The following HTRA1 variants were observed in gnomAD, a reference collection of about 807,000 sequenced individuals.
HTRA1 encodes HtrA serine peptidase 1, also known as serine protease HTRA1.
In HTRA1, 26 loss-of-function variants were observed where a neutral mutation model predicts 49.7. The ratio of observed to expected loss-of-function variants is 0.52; its 90% confidence interval spans 0.38 to 0.73. The LOEUF (loss-of-function observed/expected upper bound fraction) is 0.73, where lower values mean the gene tolerates loss of function less well. Among genes scored for constraint, HTRA1 ranks in the 30% least tolerant of loss-of-function variants. The pLI is 0.00. For missense variants in HTRA1, 561 were observed against 667.2 expected (o/e 0.84, Z 1.75); for synonymous variants, 291 against 286.9 (o/e 1.01, Z -0.14).
intron 1 of HTRA1, 124 bp downstream of exon 1, chr10:122,462,248 G>A: frequency 4.7e-6 from 4 of 846,400 alleles, no homozygotes; most frequent in Non-Finnish European, 7.4e-6. Context: ...GCAACTCTCG[G>A]GGACAGGCAG....
intron 1 of HTRA1, among the ~76,000 whole-genome samples, chr10:122,463,093 C>T (rs1485102603): frequency 6.6e-6 from 1 of 152,278 alleles, no homozygotes; most frequent in Non-Finnish European, 1.5e-5. Flanking sequence ...CGCTTGGGCG[C>T]AGCCGTGCCG....
intron 3 of HTRA1, among the ~76,000 whole-genome samples, chr10:122,491,121 C>G (rs941942274): frequency 3.9e-5 from 6 of 152,234 alleles, no homozygotes; most frequent in African/African-American, 1.2e-4. Context: ...TTGGGCCAGC[C>G]TCTGCCTTCA....
Position 122,496,225 on chromosome 10 carries a change from GTTCTT to G in HTRA1, c.777+6602_777+6606del, listed in dbSNP as rs1399623425. Among the ~76,000 whole-genome samples the G allele has an allele frequency of 2.0e-3, 163 of 80,384 alleles. 32 individuals are homozygous for G. The highest frequency in any genetic ancestry group is 2.6e-3 in the South Asian group (6 of 2,282). 52.7% of individuals were successfully genotyped at this position (80,384 alleles called of 152,430 possible). A position where few individuals can be genotyped will look rare whatever the true frequency, so the allele number is the denominator to read the frequency against. On this transcript the variant is annotated intron_variant, in intron 3 of 8. Transcript: ENST00000368984. ...CCCTTTCGTTTGCCAGAGATTGTGGGTTCTTTTTTTTTTTTTTTTTTTTTTTTTTT... is the reference window on the plus strand; with the variant it reads ...CCCTTTCGTTTGCCAGAGATTGTGGGTTTTTTTTTTTTTTTTTTTTTTTTT...
intron 3 of HTRA1, among the ~76,000 whole-genome samples, chr10:122,497,403 A>G (rs2097499184): frequency 6.6e-6 from 1 of 152,240 alleles, no homozygotes; most frequent in Non-Finnish European, 1.5e-5. Flanking sequence ...AGAATGCTAC[A>G]TCCTGGGCAA....
chr10:122,471,982 ACTGATGTCTCCCT>A (rs2097486309), intron 1 of HTRA1, among the ~76,000 whole-genome samples: 1 of 152,176 alleles, frequency 6.6e-6, no homozygotes, highest in African/African-American at 2.4e-5. Flanking sequence ...TCATCCGATG[ACTGATGTCTCCCT>A]TCAAGAGTTA....
Position 122,461,821 on chromosome 10 carries a change from C to G in HTRA1, c.169C>G (p.Arg57Gly). ...GCAGCCGGAGCACTGCGAGGGCGGCCGGGCCCGGGACGCGTGCGGCTGCTG... is the reference window on the plus strand; with the variant it reads ...GCAGCCGGAGCACTGCGAGGGCGGCGGGGCCCGGGACGCGTGCGGCTGCTG... ...PPQPEHCEGGRARDACGCCEV... is the reference protein window; with the variant it reads ...PPQPEHCEGGGARDACGCCEV... Residue 57 changes from arginine (R) to glycine (G), a missense_variant, in exon 1 of 9, where the codon CGG (arginine) becomes GGG (glycine). Arg to Gly is a moderately radical substitution (Grantham distance 125, BLOSUM62 -2). Coordinates refer to ENST00000368984, the MANE Select transcript of HTRA1 (RefSeq NM_002775.5). The G allele has an allele frequency of 1.8e-6, 2 of 1,089,288 alleles. No homozygotes were observed. Among genetic ancestry groups the G allele is most frequent in the African/African-American group, 1.7e-5 (1 of 59,478 alleles). The allele number at this position is 1,089,288 out of a possible 1,614,324, so 67.5% of individuals were successfully genotyped here. A position where few individuals can be genotyped will look rare whatever the true frequency, so the allele number is the denominator to read the frequency against.
chr10:122,498,527 G>A (rs191811412), intron 3 of HTRA1, among the ~76,000 whole-genome samples: 42 of 152,146 alleles, frequency 2.8e-4, no homozygotes, highest in Non-Finnish European at 5.6e-4. Flanking sequence ...AGCCTTGTCC[G>A]TTCTGAACCC....
chr10:122,481,298 A>G (rs2097490877), intron 1 of HTRA1, among the ~76,000 whole-genome samples: 1 of 152,118 alleles, frequency 6.6e-6, no homozygotes, highest in African/African-American at 2.4e-5. Flanking sequence ...CAAAGCCACA[A>G]ATATATCTCA....
At chr10:122,467,093 C>T (rs150472259) in intron 1 of HTRA1, among the ~76,000 whole-genome samples, 8 of 152,202 alleles carry the variant, frequency 5.3e-5, no homozygotes, top group Non-Finnish European at 8.8e-5. Context: ...TGATGGCCTC[C>T]GCTTTGGGGC....
rs142794490 is a variant in HTRA1, at chr10:122,477,246, T to C, written c.473-11656T>C. Among the ~76,000 whole-genome samples the C allele has an allele frequency of 1.7e-3, 263 of 152,202 alleles. 1 individual carries two copies. Among genetic ancestry groups the C allele is most frequent in the African/African-American group, 6.1e-3 (255 of 41,526 alleles). On this transcript the variant is annotated intron_variant, in intron 1 of 8. Transcript: ENST00000368984. Reference sequence around the variant, plus strand: ...CCTCCCAAAGCGCTGGGATTACAGGTGTGAGCCACCATGCCCGGCCTGTAG... The same window carrying C: ...CCTCCCAAAGCGCTGGGATTACAGGCGTGAGCCACCATGCCCGGCCTGTAG...
At position 122,488,948 on chromosome 10, in the gene HTRA1, G is replaced by A. The variant is rs775753671; in HGVS notation, c.519G>A (p.Ala173=). The A allele has an allele frequency of 1.1e-5, 18 of 1,614,068 alleles. No homozygotes were observed. The Admixed American group carries it at 1.3e-4, about 12-fold the overall frequency. The change falls in exon 2 of 9, where the codon GCG becomes GCA. Residue 173 remains alanine, a synonymous_variant. Coordinates refer to ENST00000368984, the MANE Select transcript of HTRA1 (RefSeq NM_002775.5). ...NSLRHKYNFI[A]DVVEKIAPAV... ...TGCGCCATAAATATAACTTTATCGC[G>A]GACGTGGTGGAGAAGATCGCCCCTG...
At chr10:122,468,946 T>C (rs904401345) in intron 1 of HTRA1, among the ~76,000 whole-genome samples, 2 of 152,200 alleles carry the variant, frequency 1.3e-5, no homozygotes, top group Admixed American at 1.3e-4. Flanking sequence ...TTATTTTAGA[T>C]TCCAGGACAA....
rs2097481730 is a variant in HTRA1 at position 122,462,136 on chromosome 10, C to T, written c.472+12C>T. 3.3e-6 allele frequency: 5 copies of T among 1,525,718 alleles called. No homozygotes were observed. The highest frequency in any genetic ancestry group is 3.5e-6 in the Non-Finnish European group (4 of 1,139,140). 94.5% of individuals were successfully genotyped at this position (1,525,718 alleles called of 1,614,324 possible). A position where few individuals can be genotyped will look rare whatever the true frequency, so the allele number is the denominator to read the frequency against. The stretch of plus-strand genomic sequence containing the variant: ...AGCCTGCGGCCAAGGTACTCCGCCG[C>T]GCTCCTGGGCAGCTCCCCACTCTCT... On this transcript the variant is annotated intron_variant, in intron 1 of 8. Coordinates refer to ENST00000368984, the MANE Select transcript of HTRA1 (RefSeq NM_002775.5).
chr10:122,506,925 GT>G lies in HTRA1; in HGVS notation c.972+44del. The G allele has an allele frequency of 6.3e-7, 1 of 1,576,370 alleles. No individual in the cohort carries two copies. Reference sequence around the variant, plus strand: ...CTCTGCGGGTGGGGATTGGGGCAGAGTTTTGCCAGGGGGAGAGGAGTCAGCA... The same window carrying G: ...CTCTGCGGGTGGGGATTGGGGCAGAGTTTGCCAGGGGGAGAGGAGTCAGCA... On this transcript the variant is annotated intron_variant, in intron 4 of 8. Coordinates refer to ENST00000368984, the MANE Select transcript of HTRA1 (RefSeq NM_002775.5). This position sits in a 1 kb window ranked among gnomAD's most constrained non-coding sequence, Gnocchi z 5.2.
At chr10:122,508,264 CT>C (rs1365539594) in intron 5 of HTRA1, among the ~76,000 whole-genome samples, 2 of 152,350 alleles carry the variant, frequency 1.3e-5, no homozygotes, top group African/African-American at 4.8e-5. Context: ...TTGTTTCCCC[CT>C]GAAGTCAGCA....
At chr10:122,503,980 TG>T (rs1477104711) in intron 3 of HTRA1, among the ~76,000 whole-genome samples, 1 of 152,228 alleles carries the variant, frequency 6.6e-6, no homozygotes, top group African/African-American at 2.4e-5. Context: ...CTGGGCAGAC[TG>T]CCTGGGTTTG....
chr10:122,499,214 C>T (rs1282656487), intron 3 of HTRA1, among the ~76,000 whole-genome samples: 1 of 152,130 alleles, frequency 6.6e-6, no homozygotes. Flanking sequence ...CTTGGCTCGA[C>T]TTCCCCACCC....
rs17624021 is a variant in HTRA1 at position 122,489,602 on chromosome 10, C to T, written c.753C>T (p.Ile251=). ...AGGATGTGGATGAGAAAGCAGACAT[C>T]GCACTCATCAAAATTGACCACCAGG... ...KIKDVDEKAD[I]ALIKIDHQGK... The change falls in exon 3 of 9, where the codon ATC becomes ATT. Residue 251 remains isoleucine, a synonymous_variant. Coordinates refer to ENST00000368984, the MANE Select transcript of HTRA1 (RefSeq NM_002775.5). The T allele has an allele frequency of 0.05, 80,222 of 1,613,730 alleles. 2,256 individuals carry two copies. Among genetic ancestry groups the T allele is most frequent in the Non-Finnish European group, 0.055 (64,740 of 1,179,864 alleles).
In HTRA1 at chr10:122,461,753, C is replaced by T. The variant is rs1393072117; in HGVS notation, c.101C>T (p.Ala34Val). ...LSRAGRSAPL[A>V]AGCPDRCEPA... Reference sequence around the variant, plus strand: ...CGGGCCGGCCGCTCGGCGCCTTTGGCCGCCGGGTGCCCAGACCGCTGCGAG... The same window carrying T: ...CGGGCCGGCCGCTCGGCGCCTTTGGTCGCCGGGTGCCCAGACCGCTGCGAG... Residue 34 changes from alanine (A) to valine (V), a missense_variant, in exon 1 of 9, where the codon GCC (alanine) becomes GTC (valine). Ala to Val is a moderately conservative substitution (Grantham distance 64). Transcript: ENST00000368984. 1 of 1,119,964 alleles carries T rather than the reference C, an allele frequency of 8.9e-7. No homozygotes were observed. The highest frequency in any genetic ancestry group is 1.7e-5 in the African/African-American group (1 of 59,406). The allele number at this position is 1,119,964 out of a possible 1,614,324, so 69.4% of individuals were successfully genotyped here.
Sources: gnomAD v4.1 joint callset for allele counts (sites outside exome capture counted in the v4.1 genomes callset) on GRCh38, gnomAD v4.1.1 for gene constraint, Gnocchi (gnomAD v3.1) non-coding constraint, MANE v1.5 for transcripts, NCBI Gene and HGNC (gene_info 2026-07-23, HGNC 2026-07-21) for gene names.